The following RALY variants were observed in gnomAD, a reference collection of about 807,000 sequenced individuals.
RALY encodes the protein RNA-binding protein Raly.
Under a neutral mutation model 30.7 loss-of-function variants are expected in RALY, and 15 were observed. The ratio of observed to expected loss-of-function variants is 0.49; its 90% CI spans 0.33 to 0.75. The LOEUF (loss-of-function observed/expected upper bound fraction) is 0.75. Ranked by LOEUF, RALY falls within the 30% of genes least tolerant of loss-of-function variation. The probability of loss-of-function intolerance (pLI) is 0.02; values close to 1 mark genes in which losing one functional copy is unlikely to be tolerated. For synonymous variants in RALY, 177 were observed against 170.8 expected, an observed-to-expected ratio of 1.04 and a Z score of -0.28; for missense variants, 339 against 414.3, an observed-to-expected ratio of 0.82 and a Z score of 1.58.
chr20:34,043,756 A>T (rs867003302), intron 2 of RALY, among the ~76,000 whole-genome samples: 1 of 152,202 alleles, frequency 6.6e-6, no homozygotes, highest in Admixed American at 6.5e-5. Flanking sequence ...TTAAGATTTA[A>T]TTTGATAAAA....
chr20:34,031,979 T>G (rs1230595004), intron 2 of RALY, among the ~76,000 whole-genome samples: 1 of 152,322 alleles, frequency 6.6e-6, no homozygotes, highest in East Asian at 1.9e-4. Context: ...ACTTGTTTTT[T>G]GAGATGGAGT....
chr20:34,067,823 T>C (rs78592591), intron 2 of RALY, among the ~76,000 whole-genome samples: 2,463 of 149,700 alleles, frequency 0.016, 40 homozygotes, highest in Non-Finnish European at 0.024. Flanking sequence ...TTTCTTTTTT[T>C]TTTTTTTTTG....
At chr20:34,070,282 G>A (rs1430484006) in intron 2 of RALY, among the ~76,000 whole-genome samples, 1 of 152,190 alleles carries the variant, frequency 6.6e-6, no homozygotes, top group Admixed American at 6.5e-5. Context: ...GCATCAACCT[G>A]TACCAATGAG....
intron 1 of RALY, among the ~76,000 whole-genome samples, chr20:34,020,557 A>G (rs561934896): frequency 6.6e-6 from 1 of 152,356 alleles, no homozygotes; most frequent in East Asian, 1.9e-4. Context: ...GGATTAGTCA[A>G]CAGGTGATTG....
chr20:34,075,836 A>G, intron 5 of RALY, 38 bp from the exon 6 acceptor site: 1 of 1,592,684 alleles, frequency 6.3e-7, no homozygotes, highest in Non-Finnish European at 8.6e-7. Flanking sequence ...TGGTGGCCAC[A>G]AGCCATGCTG....
At chr20:34,055,524 C>G (rs966854915) in intron 2 of RALY, among the ~76,000 whole-genome samples, 1 of 152,202 alleles carries the variant, frequency 6.6e-6, no homozygotes, top group Non-Finnish European at 1.5e-5. Flanking sequence ...AGCACCCACT[C>G]TGGGCTAGAG....
chr20:34,076,235 A>G lies in RALY; in HGVS notation c.544+195A>G, dbSNP rs1289070401. On this transcript the variant is annotated intron_variant, in intron 6 of 9. Transcript: ENST00000246194. ...TTTAGGAGGAGGGGTTGTGTTGGGC[A>G]CAGAGAGTCCAGTGCTGGATATGGT... 6 of 728,900 alleles carry G rather than the reference A, an allele frequency of 8.2e-6. No individual in the cohort carries two copies. The African/African-American group carries it at 8.9e-5, about 11-fold the overall frequency. The allele number at this position is 728,900 out of a possible 1,614,324, so 45.2% of individuals were successfully genotyped here. A position where few individuals can be genotyped will look rare whatever the true frequency, so the allele number is the denominator to read the frequency against.
At chr20:34,065,112 A>G (rs554159316) in intron 2 of RALY, 2 of 152,324 alleles carry the variant, frequency 1.3e-5, no homozygotes, top group African/African-American at 2.4e-5. Context: ...GTTTCCCAGC[A>G]TCTCCACAGT....
At chr20:34,022,447 C>G (rs1012743496) in intron 1 of RALY, among the ~76,000 whole-genome samples, 8 of 152,130 alleles carry the variant, frequency 5.3e-5, no homozygotes, top group Non-Finnish European at 7.4e-5. Flanking sequence ...ATACCTTTCC[C>G]CTCCATAACT....
intron 2 of RALY, among the ~76,000 whole-genome samples, chr20:34,063,096 C>T (rs564402426): frequency 6.6e-5 from 10 of 152,352 alleles, no homozygotes; most frequent in African/African-American, 1.9e-4. Context: ...TCTGTCATTT[C>T]CTGGCTTGAG....
chr20:34,025,203 C>T (rs2031972841), intron 1 of RALY, among the ~76,000 whole-genome samples: 1 of 152,196 alleles, frequency 6.6e-6, no homozygotes, highest in Non-Finnish European at 1.5e-5. Flanking sequence ...TGGCTGCTCA[C>T]TGGTGCCTTG....
At chr20:34,009,620 G>T (rs915882723) in intron 1 of RALY, among the ~76,000 whole-genome samples, 6 of 152,150 alleles carry the variant, frequency 3.9e-5, no homozygotes, top group African/African-American at 1.4e-4. Flanking sequence ...AAAGAGACAT[G>T]GCTTGGATCT....
chr20:34,055,866 A>G (rs966221881), intron 2 of RALY, among the ~76,000 whole-genome samples: 4 of 152,212 alleles, frequency 2.6e-5, no homozygotes, highest in Admixed American at 6.5e-5. Context: ...CATGGGCACT[A>G]TTGGTGCTTC....
intron 1 of RALY, among the ~76,000 whole-genome samples, chr20:33,996,337 ATTG>A (rs2030629245): frequency 6.6e-6 from 1 of 152,104 alleles, no homozygotes; most frequent in Non-Finnish European, 1.5e-5. Context: ...TGTTGTGGGG[ATTG>A]TTAAGAAAAT....
chr20:34,064,508 T>C (rs892185036), intron 2 of RALY, among the ~76,000 whole-genome samples: 3 of 152,116 alleles, frequency 2.0e-5, no homozygotes, highest in African/African-American at 7.2e-5. Context: ...GGTTCCGTCC[T>C]CTCCCAGCCC....
At chr20:34,045,878 T>A (rs1426521077) in intron 2 of RALY, among the ~76,000 whole-genome samples, 1 of 152,144 alleles carries the variant, frequency 6.6e-6, no homozygotes, top group Admixed American at 6.5e-5. Context: ...GAGTAAAACT[T>A]GATTTCTTTT....
chr20:34,055,355 T>C (rs1329437953), intron 2 of RALY, among the ~76,000 whole-genome samples: 3 of 152,238 alleles, frequency 2.0e-5, no homozygotes, highest in Non-Finnish European at 4.4e-5. Context: ...GTTGCAAAGA[T>C]ACTGCCTTCC....
At chr20:34,018,805 C>T (rs183684117) in intron 1 of RALY, among the ~76,000 whole-genome samples, 36 of 152,266 alleles carry the variant, frequency 2.4e-4, no homozygotes, top group Admixed American at 4.6e-4. Context: ...CCTTTGCATC[C>T]GGAGATGGAG....
intron 2 of RALY, among the ~76,000 whole-genome samples, chr20:34,048,140 G>T (rs1033015651): frequency 6.6e-6 from 1 of 152,178 alleles, no homozygotes; most frequent in Non-Finnish European, 1.5e-5. Flanking sequence ...GGGGATCCTA[G>T]CTTTGAAATT....
Sources: allele counts gnomAD v4.1 joint callset (sites outside exome capture counted in the v4.1 genomes callset), GRCh38; gene constraint gnomAD v4.1.1; transcripts MANE v1.5; gene names NCBI Gene and HGNC (gene_info 2026-07-23, HGNC 2026-07-21).